AFF3: variants seen among roughly 807,000 people sequenced by gnomAD.
The protein encoded by AFF3 is ALF transcription elongation factor 3.
AFF3 carries 32 observed loss-of-function variants against 129.7 expected under a neutral mutation model. That is an observed-to-expected ratio of 0.25 (90% CI 0.19 to 0.33). The LOEUF (loss-of-function observed/expected upper bound fraction) is 0.33, where lower values mean the gene tolerates loss of function less well. Ranked by LOEUF, AFF3 falls within the 10% of genes least tolerant of loss-of-function variation. The pLI, the probability that AFF3 is intolerant of heterozygous loss-of-function variation, is 1.00. For missense variants in AFF3, 1,373 were observed against 1,592.0 expected (o/e 0.86, Z 2.34); for synonymous variants, 644 against 635.4 (o/e 1.01, Z -0.20).
At chr2:99,720,443 C>A (rs1458670831) in intron 11 of AFF3, among the ~76,000 whole-genome samples, 1 of 152,164 alleles carries the variant, frequency 6.6e-6, no homozygotes, top group Non-Finnish European at 1.5e-5. Flanking sequence ...TTCCCCTTTG[C>A]CCTTCTCTAT....
rs147333549 is a variant in AFF3 at position 99,850,753 on chromosome 2, G to A, written c.874-13229C>T. 7.8e-3 allele frequency among the ~76,000 whole-genome samples: 1,187 copies of A among 152,234 alleles called. 15 individuals carry two copies. Among genetic ancestry groups the A allele is most frequent in the Middle Eastern group, 0.054 (16 of 294 alleles). On this transcript the variant is annotated intron_variant, in intron 7 of 24. Coordinates refer to ENST00000672756, the MANE Select transcript of AFF3 (RefSeq NM_001386135.1). ...ATTTTCTGGGTTAGTGTAGTAGTAA[G>A]TCTATGACTTCTTTGTTAAGAAAAC...
chr2:99,996,853 A>G (rs959589966), intron 7 of AFF3, among the ~76,000 whole-genome samples: 6 of 152,138 alleles, frequency 3.9e-5, no homozygotes, highest in African/African-American at 1.4e-4. Context: ...ACTCTCATCA[A>G]GGGAAATGCT....
At chr2:100,030,474 A>G (rs1177979521) in intron 4 of AFF3, among the ~76,000 whole-genome samples, 1 of 152,218 alleles carries the variant, frequency 6.6e-6, no homozygotes, top group Non-Finnish European at 1.5e-5. Flanking sequence ...TAGAAACTAA[A>G]CATAGTCCCA....
At chr2:99,615,392 C>A (rs1037465883) in intron 13 of AFF3, among the ~76,000 whole-genome samples, 12 of 152,216 alleles carry the variant, frequency 7.9e-5, no homozygotes, top group Non-Finnish European at 5.9e-5. Context: ...CTGTGACAAG[C>A]GGCAGCTGCC....
At chr2:99,773,879 A>C (rs1452523998) in intron 8 of AFF3, among the ~76,000 whole-genome samples, 1 of 152,246 alleles carries the variant, frequency 6.6e-6, no homozygotes, top group East Asian at 1.9e-4. Context: ...ATTTCAGCAA[A>C]GTCTCAGCAT....
At chr2:99,743,575 T>C (rs1291091969) in intron 10 of AFF3, among the ~76,000 whole-genome samples, 1 of 152,184 alleles carries the variant, frequency 6.6e-6, no homozygotes, top group East Asian at 1.9e-4. Context: ...GCATCCTCTC[T>C]TTGACAAAAA....
intron 11 of AFF3, among the ~76,000 whole-genome samples, chr2:99,697,549 T>C (rs1350724384): frequency 6.6e-6 from 1 of 152,248 alleles, no homozygotes; most frequent in East Asian, 1.9e-4. Context: ...ACCTCTACTG[T>C]TAACAGTAAT....
intron 8 of AFF3, among the ~76,000 whole-genome samples, chr2:99,801,377 A>G (rs1685934317): frequency 6.6e-6 from 1 of 152,162 alleles, no homozygotes; most frequent in Non-Finnish European, 1.5e-5. Flanking sequence ...GCACTACAAA[A>G]TATTTTCTCA....
At chr2:99,669,370 T>C (rs1275866680) in intron 12 of AFF3, among the ~76,000 whole-genome samples, 1 of 152,064 alleles carries the variant, frequency 6.6e-6, no homozygotes. Flanking sequence ...CATAATGAAA[T>C]AGGATACAGC....
chr2:100,091,589 C>T (rs1689858107), intron 4 of AFF3, among the ~76,000 whole-genome samples: 1 of 96,174 alleles, frequency 1.0e-5, no homozygotes, highest in Admixed American at 1.2e-4. Context: ...ACTAGTTTCC[C>T]TTTACAATCT....
At chr2:99,921,541 AT>A (rs1242126497) in intron 7 of AFF3, among the ~76,000 whole-genome samples, 1 of 152,160 alleles carries the variant, frequency 6.6e-6, no homozygotes, top group Non-Finnish European at 1.5e-5. Flanking sequence ...GTCATGTAAA[AT>A]GTTAACATCA....
chr2:100,109,021 C>T (rs1433796935), intron 2 of AFF3, among the ~76,000 whole-genome samples: 1 of 136,288 alleles, frequency 7.3e-6, no homozygotes, highest in Non-Finnish European at 1.5e-5. Context: ...TATATAGTCA[C>T]TATGACATTA....
intron 2 of AFF3, among the ~76,000 whole-genome samples, chr2:100,115,775 G>A (rs1691712256): frequency 6.6e-6 from 1 of 152,074 alleles, no homozygotes; most frequent in African/African-American, 2.4e-5. Flanking sequence ...TTTAGTATGG[G>A]AATATCAACT....
chr2:100,104,732 C>T (rs1691100580), intron 3 of AFF3: 2 of 964,474 alleles, frequency 2.1e-6, no homozygotes, highest in Non-Finnish European at 2.4e-6. Flanking sequence ...GCCGCCGCCG[C>T]CCCCCGCCCC....
In AFF3 at chr2:99,617,357, G is replaced by A. The variant is rs1000642674; in HGVS notation, c.1185-15736C>T. 3.9e-5 allele frequency among the ~76,000 whole-genome samples: 6 copies of A among 152,212 alleles called. No homozygotes were observed. In the South Asian group the frequency reaches 1.0e-3, roughly 26 times the overall value. On this transcript the variant is annotated intron_variant, in intron 13 of 24. Coordinates refer to ENST00000672756, the MANE Select transcript of AFF3 (RefSeq NM_001386135.1). ...TTTCATTCTGCCCATCATAGTGGGC[G>A]TGAAGTGGTGTCTCACTGTGGTTTT...
chr2:99,880,202 C>T (rs1692606317), intron 7 of AFF3, among the ~76,000 whole-genome samples: 1 of 152,212 alleles, frequency 6.6e-6, no homozygotes, highest in South Asian at 2.1e-4. Context: ...AGCAAGCAGG[C>T]ATGAGCCTGG....
At chr2:99,870,535 C>T (rs1462618540) in intron 7 of AFF3, among the ~76,000 whole-genome samples, 1 of 152,176 alleles carries the variant, frequency 6.6e-6, no homozygotes, top group Admixed American at 6.5e-5. Flanking sequence ...CCATGCAGAC[C>T]CCACCCCTGT....
intron 4 of AFF3, among the ~76,000 whole-genome samples, chr2:100,086,911 C>A (rs567809153): frequency 8.5e-5 from 13 of 152,246 alleles, no homozygotes; most frequent in African/African-American, 3.1e-4. Context: ...TTAGGCAAGA[C>A]ACACATTATC....
intron 7 of AFF3, among the ~76,000 whole-genome samples, chr2:99,857,666 T>C (rs965485628): frequency 6.6e-5 from 10 of 152,238 alleles, no homozygotes; most frequent in African/African-American, 2.4e-4. Context: ...CTGTGTCTGA[T>C]GGTGAAGGAT....
Sources: gnomAD v4.1 joint callset for allele counts (sites outside exome capture counted in the v4.1 genomes callset) on GRCh38, gnomAD v4.1.1 for gene constraint, MANE v1.5 for transcripts, NCBI Gene and HGNC (gene_info 2026-07-23, HGNC 2026-07-21) for gene names.